The following CD9 variants were observed in gnomAD, a reference collection of about 807,000 sequenced individuals.
CD9 encodes CD9 antigen.
In CD9, 10 loss-of-function variants were observed where a neutral mutation model predicts 31.4. The ratio of observed to expected loss-of-function variants is 0.32; its 90% CI spans 0.20 to 0.54. CD9 has a LOEUF of 0.54. Ranked by LOEUF, CD9 falls within the 20% of genes least tolerant of loss-of-function variation. The probability of loss-of-function intolerance (pLI) is 0.94; values close to 1 mark genes in which losing one functional copy is unlikely to be tolerated. For missense variants in CD9, 259 were observed against 300.1 expected (o/e 0.86, Z 1.01); for synonymous variants, 113 against 114.1 (o/e 0.99, Z 0.06).
intron 1 of CD9, among the ~76,000 whole-genome samples, chr12:6,223,152 G>A (rs1487397689): frequency 1.3e-5 from 2 of 152,174 alleles, no homozygotes; most frequent in African/African-American, 4.8e-5. Context: ...CAGTTTTCAG[G>A]TTAACGCTTT....
rs779797317 is a variant in CD9, at chr12:6,225,466, G to A, written c.107G>A (p.Arg36Gln). 1.1e-5 allele frequency: 17 copies of A among 1,613,788 alleles called. No homozygotes were observed. The highest frequency in any genetic ancestry group is 2.2e-5 in the East Asian group (1 of 44,890). Reference sequence around the variant, plus strand: ...GTCCTTGCCATTGGACTATGGCTCCGATTCGACTCTCAGACCAAGAGCATC... The same window carrying A: ...GTCCTTGCCATTGGACTATGGCTCCAATTCGACTCTCAGACCAAGAGCATC... Reference protein sequence around the residue: ...IAVLAIGLWLRFDSQTKSIFE... With the variant: ...IAVLAIGLWLQFDSQTKSIFE... Residue 36 changes from arginine to glutamine, a missense_variant, in exon 2 of 8, where the codon CGA becomes CAA. By Grantham distance (43) the Arg-to-Gln change is conservative. Coordinates refer to ENST00000009180, the MANE Select transcript of CD9 (RefSeq NM_001769.4).
intron 1 of CD9, among the ~76,000 whole-genome samples, chr12:6,220,276 G>A (rs1244214094): frequency 1.3e-5 from 2 of 152,164 alleles, no homozygotes; most frequent in Non-Finnish European, 2.9e-5. Context: ...CACAATGCAC[G>A]AGGCTGAACT....
intron 1 of CD9, among the ~76,000 whole-genome samples, chr12:6,203,976 G>T (rs533248495): frequency 1.3e-5 from 2 of 152,154 alleles, no homozygotes; most frequent in African/African-American, 4.8e-5. Flanking sequence ...AAACAGCAGT[G>T]TGGGGCTGGG....
upstream of CD9, chr12:6,200,298 CG>C (rs1208138676): frequency 1.9e-5 from 5 of 262,794 alleles, no homozygotes; most frequent in Non-Finnish European, 3.3e-5. Context: ...GCGTGGCCGG[CG>C]GGGGGAGTGG....
intron 1 of CD9, among the ~76,000 whole-genome samples, chr12:6,216,095 G>A (rs778362076): frequency 3.3e-5 from 5 of 152,192 alleles, no homozygotes; most frequent in Non-Finnish European, 5.9e-5. Flanking sequence ...TGCCTGGCCC[G>A]GCTTCCTGAG....
intron 2 of CD9, among the ~76,000 whole-genome samples, chr12:6,231,584 C>G (rs536442631): frequency 1.3e-5 from 2 of 152,320 alleles, no homozygotes; most frequent in African/African-American, 4.8e-5. Context: ...GTGGGGTGGC[C>G]CCTCTGGGCA....
intron 2 of CD9, among the ~76,000 whole-genome samples, chr12:6,231,058 G>A (rs1946439594): frequency 6.6e-6 from 1 of 152,166 alleles, no homozygotes; most frequent in African/African-American, 2.4e-5. Flanking sequence ...ACCTGCCGAG[G>A]GTTCTCATCG....
chr12:6,233,620 T>C, intron 4 of CD9, 134 bp downstream of exon 4: 1 of 696,602 alleles, frequency 1.4e-6, no homozygotes, highest in East Asian at 2.6e-5. Context: ...ATCGCGTCCC[T>C]GTGTGCCAGC....
chr12:6,214,822 C>T (rs1324004307), intron 1 of CD9, among the ~76,000 whole-genome samples: 2 of 152,088 alleles, frequency 1.3e-5, no homozygotes, highest in African/African-American at 4.8e-5. Flanking sequence ...TCTCACGGGC[C>T]CACTGAGTCA....
intron 1 of CD9, 63 bp from the exon 2 acceptor site, chr12:6,225,363 C>A: frequency 1.9e-6 from 2 of 1,064,646 alleles, no homozygotes; most frequent in South Asian, 1.3e-5. Flanking sequence ...CACCCTTAAG[C>A]GCGTGGGGAC....
At chr12:6,230,371 G>C (rs372532012) in intron 2 of CD9, among the ~76,000 whole-genome samples, 1 of 152,206 alleles carries the variant, frequency 6.6e-6, no homozygotes, top group Non-Finnish European at 1.5e-5. Flanking sequence ...CTTTCTCTGC[G>C]TGGGAAATAC....
intron 2 of CD9, 48 bp downstream of exon 2, chr12:6,225,582 A>C: frequency 1.6e-6 from 2 of 1,272,010 alleles, no homozygotes; most frequent in Non-Finnish European, 2.3e-6. Context: ...GCTCCAACAA[A>C]GTTCCTGCAA....
chr12:6,236,515 C>T (rs1946525968), intron 7 of CD9: 2 of 562,062 alleles, frequency 3.6e-6, no homozygotes, highest in South Asian at 2.4e-5. Flanking sequence ...AGAGTCGACT[C>T]TCTTAGCCGT....
intron 1 of CD9, among the ~76,000 whole-genome samples, chr12:6,208,596 A>G (rs762168077): frequency 2.0e-5 from 3 of 150,430 alleles, no homozygotes; most frequent in Non-Finnish European, 4.4e-5. Flanking sequence ...TTTGAGGTGG[A>G]GTTTCACTCT....
At chr12:6,227,199 T>A (rs1039824209) in intron 2 of CD9, among the ~76,000 whole-genome samples, 10 of 150,598 alleles carry the variant, frequency 6.6e-5, no homozygotes, top group East Asian at 1.9e-4. Flanking sequence ...ATTTTTTATT[T>A]TTTTTATTTT....
At chr12:6,201,236 G>C (rs1295960126) in intron 1 of CD9, among the ~76,000 whole-genome samples, 1 of 152,218 alleles carries the variant, frequency 6.6e-6, no homozygotes, top group Non-Finnish European at 1.5e-5. Context: ...GAACTCCCTG[G>C]TAGCTCCCTG....
In CD9 at chr12:6,202,817, T is replaced by C. The variant is rs530578880; in HGVS notation, c.66+2252T>C. 1.3e-4 allele frequency among the ~76,000 whole-genome samples: 20 copies of C among 152,282 alleles called. No individual in the cohort carries two copies. In the South Asian group the frequency reaches 3.9e-3, roughly 30 times the overall value. ...TCATGCAGTCCAGCTCTCTTATTCA[T>C]AGTGAGGCAGCAGAGGAAGAGAGAT... On this transcript the variant is annotated intron_variant, in intron 1 of 7. Coordinates refer to ENST00000009180, the MANE Select transcript of CD9 (RefSeq NM_001769.4).
rs1207906795 is a variant in CD9, at chr12:6,225,450, A to G, written c.91A>G (p.Ile31Val). ...FWLAGIAVLAIGLWLRFDSQT... is the reference protein window; with the variant it reads ...FWLAGIAVLAVGLWLRFDSQT... ...GCTTGCCGGGATTGCTGTCCTTGCC[A>G]TTGGACTATGGCTCCGATTCGACTC... Residue 31 changes from isoleucine (I) to valine (V), a missense_variant, in exon 2 of 8, where the codon ATT becomes GTT. Ile to Val is a conservative substitution (Grantham distance 29, BLOSUM62 3). Coordinates refer to ENST00000009180, the MANE Select transcript of CD9 (RefSeq NM_001769.4). 4.3e-6 allele frequency: 7 copies of G among 1,613,490 alleles called. No homozygotes were observed. The African/African-American group carries it at 6.7e-5, about 15-fold the overall frequency.
chr12:6,231,907 C>A (rs987765873), intron 2 of CD9, among the ~76,000 whole-genome samples: 2 of 152,168 alleles, frequency 1.3e-5, no homozygotes, highest in Non-Finnish European at 2.9e-5. Context: ...GAAATTGAGG[C>A]CCAGAGAGGG....
Sources: gnomAD v4.1 joint callset for allele counts (sites outside exome capture counted in the v4.1 genomes callset) on GRCh38, gnomAD v4.1.1 for gene constraint, MANE v1.5 for transcripts, NCBI Gene and HGNC (gene_info 2026-07-23, HGNC 2026-07-21) for gene names.